CADPS: variants seen among roughly 807,000 people sequenced by gnomAD.
CADPS encodes the protein calcium dependent secretion activator, also known as calcium-dependent secretion activator 1.
Under a neutral mutation model 167.3 loss-of-function variants are expected in CADPS, and 57 were observed. That is an observed-to-expected ratio of 0.34 (90% CI 0.28 to 0.42). The LOEUF is 0.42. Among genes scored for constraint, CADPS ranks in the 20% least tolerant of loss-of-function variants. CADPS has a pLI of 1.00. For synonymous variants in CADPS, 676 were observed against 635.3 expected (o/e 1.06, Z -0.96); for missense variants, 1,414 against 1,738.1 (o/e 0.81, Z 3.32).
Position 62,415,806 on chromosome 3 carries a change from T to C in CADPS, c.3778-12621A>G, listed in dbSNP as rs372772089. 2.6e-4 allele frequency among the ~76,000 whole-genome samples: 39 copies of C among 152,192 alleles called. No individual in the cohort carries two copies. In the East Asian group the frequency reaches 4.1e-3, roughly 16 times the overall value. ...AGCAATAGGCACGGAGTGATTATTG[T>C]TGGGGTAGCGGATGGCAATGCGAAG... On this transcript the variant is annotated intron_variant, in intron 28 of 29. Transcript: ENST00000383710.
intron 3 of CADPS, among the ~76,000 whole-genome samples, chr3:62,712,502 G>T (rs2083590594): frequency 6.6e-6 from 1 of 152,076 alleles, no homozygotes; most frequent in African/African-American, 2.4e-5. Flanking sequence ...CAATGTTTAT[G>T]CCCTTTGCTC....
chr3:62,593,682 T>C (rs1016097191), intron 6 of CADPS, among the ~76,000 whole-genome samples: 1 of 152,212 alleles, frequency 6.6e-6, no homozygotes, highest in African/African-American at 2.4e-5. Context: ...CATGTATGTT[T>C]CCTCTGTTGG....
chr3:62,572,024 C>T (rs1180401497), intron 8 of CADPS, among the ~76,000 whole-genome samples: 3 of 152,072 alleles, frequency 2.0e-5, no homozygotes, highest in Admixed American at 1.3e-4. Context: ...ATTCAAATAC[C>T]GAGTTCTAAA....
chr3:62,405,136 TGGG>T lies in CADPS; in HGVS notation c.3778-1954_3778-1952del, dbSNP rs34330263. On this transcript the variant is annotated intron_variant, in intron 28 of 29. Coordinates refer to ENST00000383710, the MANE Select transcript of CADPS (RefSeq NM_003716.4). The stretch of plus-strand genomic sequence containing the variant: ...TACTGGTTGTAGCTGACATGTAATC[TGGG>T]GGGGGGGGGGGCTCAACAGATCTAT... Among the ~76,000 whole-genome samples the T allele has an allele frequency of 4.6e-3, 563 of 123,508 alleles. 11 individuals carry two copies. The highest frequency in any genetic ancestry group is 0.037 in the South Asian group (146 of 3,894). 81.0% of individuals were successfully genotyped at this position (123,508 alleles called of 152,430 possible). A position where few individuals can be genotyped will look rare whatever the true frequency, so the allele number is the denominator to read the frequency against.
intron 4 of CADPS, among the ~76,000 whole-genome samples, chr3:62,661,166 G>A (rs552012266): frequency 6.6e-6 from 1 of 152,130 alleles, no homozygotes; most frequent in East Asian, 1.9e-4. Context: ...CTTAGCTGTA[G>A]TCATCAACAG....
intron 3 of CADPS, among the ~76,000 whole-genome samples, chr3:62,724,455 T>C (rs1360659807): frequency 6.6e-6 from 1 of 152,210 alleles, no homozygotes; most frequent in Non-Finnish European, 1.5e-5. Flanking sequence ...CATTTAATTT[T>C]GTCTGGTAAT....
At chr3:62,660,144 C>A (rs1237902247) in intron 4 of CADPS, among the ~76,000 whole-genome samples, 1 of 143,318 alleles carries the variant, frequency 7.0e-6, no homozygotes, top group African/African-American at 2.5e-5. Flanking sequence ...TAAAATTAGC[C>A]TAACACCAGT....
chr3:62,645,672 C>T, intron 6 of CADPS, 50 bp downstream of exon 6: 7 of 1,603,010 alleles, frequency 4.4e-6, no homozygotes, highest in Non-Finnish European at 6.0e-6. Context: ...CAAAATGGAA[C>T]TAATGGCAGC....
chr3:62,751,294 G>A (rs1046028546), intron 3 of CADPS, among the ~76,000 whole-genome samples: 2 of 152,140 alleles, frequency 1.3e-5, no homozygotes, highest in Non-Finnish European at 2.9e-5. Flanking sequence ...GAATTCATGT[G>A]TATTTTTGTA....
chr3:62,499,519 T>C, intron 17 of CADPS: 1 of 305,802 alleles, frequency 3.3e-6, no homozygotes, highest in Non-Finnish European at 6.3e-6. Context: ...ATATTAAGTC[T>C]ATGACAGCCC....
At chr3:62,848,131 T>C (rs2077839654) in intron 1 of CADPS, among the ~76,000 whole-genome samples, 1 of 144,740 alleles carries the variant, frequency 6.9e-6, no homozygotes, top group Non-Finnish European at 1.5e-5. Context: ...GGGTTGTTCG[T>C]TTTTTTCTTG....
intron 13 of CADPS, among the ~76,000 whole-genome samples, chr3:62,522,465 G>A (rs187456520): frequency 4.3e-4 from 66 of 152,166 alleles, no homozygotes; most frequent in African/African-American, 1.4e-3. Context: ...AAGGTTTCCC[G>A]TGTTACTCTA....
chr3:62,593,643 C>T (rs571382271), intron 6 of CADPS, among the ~76,000 whole-genome samples: 151 of 152,292 alleles, frequency 9.9e-4, no homozygotes, highest in Admixed American at 1.7e-3. Flanking sequence ...TCTCACAAGC[C>T]TCCTGACTCT....
At position 62,753,654 on chromosome 3, in the gene CADPS, A is replaced by G; in HGVS notation, c.675T>C (p.Ile225=). ...IEKRVRSLPE[I]DGLSKETVLS... is the part of the protein sequence containing the mutation. ...GCACAGTCTCCTTGCTGAGGCCGTC[A>G]ATCTCAGGCAGGCTGCGCACTCTCT... The change falls in exon 3 of 30, where the codon ATT becomes ATC. Residue 225 remains isoleucine, a synonymous_variant. Transcript: ENST00000383710. This position sits in a 1 kb window ranked among gnomAD's most constrained non-coding sequence, Gnocchi z 4.6. 6.2e-7 allele frequency: 1 copy of G among 1,614,158 alleles called. No individual in the cohort carries two copies. The highest frequency in any genetic ancestry group is 8.5e-7 in the Non-Finnish European group (1 of 1,180,030).
At chr3:62,839,527 G>C (rs2076351186) in intron 1 of CADPS, among the ~76,000 whole-genome samples, 1 of 152,166 alleles carries the variant, frequency 6.6e-6, no homozygotes, top group African/African-American at 2.4e-5. Flanking sequence ...TCAGAATATG[G>C]GATCAGGAGT....
chr3:62,539,525 T>TA (rs200925277), intron 11 of CADPS, among the ~76,000 whole-genome samples: 2,242 of 145,004 alleles, frequency 0.015, 35 homozygotes, highest in Middle Eastern at 0.046. Flanking sequence ...TATTATGTTA[T>TA]AAAAAAAAAA....
rs545765334 is a variant in CADPS at position 62,584,372 on chromosome 3, A to G, written c.1577+813T>C. ...TTATCATCAATATACATATACCCAA[A>G]AAAGAATTAACGAGACCTCTCTAGG... On this transcript the variant is annotated intron_variant, in intron 8 of 29. Transcript: ENST00000383710. Among the ~76,000 whole-genome samples, 38 of 152,278 alleles carry G rather than the reference A, an allele frequency of 2.5e-4. 1 individual carries two copies. The South Asian group carries it at 7.1e-3, about 28-fold the overall frequency.
intron 1 of CADPS, among the ~76,000 whole-genome samples, chr3:62,851,852 T>C (rs1577329524): frequency 6.6e-6 from 1 of 151,860 alleles, no homozygotes; most frequent in African/African-American, 2.4e-5. Context: ...TTCTCCTGGA[T>C]AACATCCTGC....
chr3:62,655,123 A>G (rs553058876), intron 4 of CADPS, among the ~76,000 whole-genome samples: 13 of 152,304 alleles, frequency 8.5e-5, no homozygotes, highest in African/African-American at 3.1e-4. Context: ...CATCATAAAA[A>G]GAGGCTCATA....
Sources: gnomAD v4.1 joint callset for allele counts (sites outside exome capture counted in the v4.1 genomes callset) on GRCh38, gnomAD v4.1.1 for gene constraint, Gnocchi (gnomAD v3.1) non-coding constraint, MANE v1.5 for transcripts, NCBI Gene and HGNC (gene_info 2026-07-23, HGNC 2026-07-21) for gene names.